MEAK7: variants seen among roughly 807,000 people sequenced by gnomAD.
MEAK7 encodes the protein MTOR-associated protein MEAK7.
A neutral mutation model predicts 40.5 loss-of-function variants in MEAK7; 68 were observed. The observed-to-expected ratio is 1.68, with a 90% CI of 1.38 to 2.06. The LOEUF is 2.06. Among genes scored for constraint, MEAK7 ranks in the 30% most tolerant of loss-of-function variants. MEAK7 has a pLI of 0.00. For missense variants in MEAK7, 918 were observed against 580.5 expected, an observed-to-expected ratio of 1.58 and a Z score of -5.98; for synonymous variants, 338 against 231.9, an observed-to-expected ratio of 1.46 and a Z score of -4.16.
intron 3 of MEAK7, among the ~76,000 whole-genome samples, chr16:84,492,152 G>C (rs1005501148): frequency 2.6e-5 from 4 of 152,134 alleles, no homozygotes; most frequent in Non-Finnish European, 5.9e-5. Context: ...GAGATTGTAA[G>C]GGCCGATTTT....
Position 84,492,569 on chromosome 16 carries a change from T to TTTATTTA in MEAK7, c.384+3113_384+3114insTAAATAA, listed in dbSNP as rs112860791. Among the ~76,000 whole-genome samples the TTTATTTA allele has an allele frequency of 3.5e-4, 51 of 146,810 alleles. 1 individual carries two copies. The highest frequency in any genetic ancestry group is 3.5e-3 in the Middle Eastern group (1 of 282). On this transcript the variant is annotated intron_variant, in intron 3 of 7. Transcript: ENST00000343629. ...TTATTTTGTGATATCAAGTGTTTTA[T>TTTATTTA]TTTATTTATTTATTTATTTATTTAT...
intron 2 of MEAK7, chr16:84,497,704 A>T: frequency 7.0e-7 from 1 of 1,426,594 alleles, no homozygotes; most frequent in Non-Finnish European, 9.5e-7. Context: ...GCGTTTAGAC[A>T]CTGTCTATGG....
chr16:84,491,708 T>G (rs421066), intron 3 of MEAK7, among the ~76,000 whole-genome samples: 138,763 of 151,520 alleles, frequency 0.92, 64,289 homozygotes, highest in East Asian at 1. Context: ...CGTGGTGGCG[T>G]GCACCTGTAG....
chr16:84,504,126 G>A (rs1446712366), intron 1 of MEAK7: 1 of 985,516 alleles, frequency 1.0e-6, no homozygotes, highest in East Asian at 1.1e-4. Context: ...CATGGCCTGG[G>A]AACAGTTATC....
chr16:84,476,791 T>G lies in MEAK7; in HGVS notation c.*3122A>C, dbSNP rs1040581761. The G allele has an allele frequency of 2.0e-5, 3 of 152,242 alleles. No individual in the cohort carries two copies. Among genetic ancestry groups the G allele is most frequent in the African/African-American group, 7.2e-5 (3 of 41,460 alleles). The allele number at this position is 152,242 out of a possible 1,614,324, so 9.4% of individuals were successfully genotyped here. Reference sequence around the variant, plus strand: ...ACAGGGAGGAGACCTGAGTGATTTTTGCATCAGTGCCTTTGCCTGTCAGGA... The same window carrying G: ...ACAGGGAGGAGACCTGAGTGATTTTGGCATCAGTGCCTTTGCCTGTCAGGA... On this transcript the variant is annotated 3_prime_UTR_variant, in exon 8 of 8. Transcript: ENST00000343629.
rs893236243 is a variant in MEAK7 at position 84,495,098 on chromosome 16, G to A, written c.384+585C>T. ...AGCCTGGCCAACGTGGTGAAACCCC[G>A]TTTCTACTAAAAATACAAAAATCGG... On this transcript the variant is annotated intron_variant, in intron 3 of 7. Transcript: ENST00000343629. Among the ~76,000 whole-genome samples, 3 of 152,026 alleles carry A rather than the reference G, an allele frequency of 2.0e-5. 1 individual carries two copies. The highest frequency in any genetic ancestry group is 4.2e-4 in the South Asian group (2 of 4,818).
At chr16:84,501,307 G>A (rs1173485294) in intron 1 of MEAK7, among the ~76,000 whole-genome samples, 1 of 152,064 alleles carries the variant, frequency 6.6e-6, no homozygotes, top group Non-Finnish European at 1.5e-5. Flanking sequence ...GGATCAGCGA[G>A]GCAAGGGTGG....
Position 84,497,942 on chromosome 16 carries a change from C to A in MEAK7, c.145G>T (p.Ala49Ser), listed in dbSNP as rs1230205067. ...CGGGTTGTTACTCTTGCCTGTAGTG[C>A]CTTCAGAGAGAAGGATTTGGATGAG... ...NVSSKSFSLK[A>S]LQNHVGEALP... is the part of the protein sequence containing the mutation. Residue 49 changes from alanine (A) to serine (S), a missense_variant, in exon 2 of 8, where the codon GCA (alanine) becomes TCA (serine). Ala to Ser is a moderately conservative substitution (Grantham distance 99). Coordinates refer to ENST00000343629, the MANE Select transcript of MEAK7 (RefSeq NM_020947.4). 6.2e-7 allele frequency: 1 copy of A among 1,614,210 alleles called. No individual in the cohort carries two copies. Among genetic ancestry groups the A allele is most frequent in the Non-Finnish European group, 8.5e-7 (1 of 1,180,032 alleles).
chr16:84,495,875 G>T lies in MEAK7; in HGVS notation c.192C>A (p.Thr64=), dbSNP rs779922380. The change falls in exon 3 of 8, where the codon ACC becomes ACA. Residue 64 remains threonine (T), a synonymous_variant. Coordinates refer to ENST00000343629, the MANE Select transcript of MEAK7 (RefSeq NM_020947.4). ...CCCTCCGCATGCCATCATACAGCCT[G>T]GTGACCATCTCTGGGGGAAGAGCTT... ...VGEALPPEMV[T]RLYDGMRRVD... 1.9e-6 allele frequency: 3 copies of T among 1,614,100 alleles called. No homozygotes were observed. The highest frequency in any genetic ancestry group is 1.3e-5 in the African/African-American group (1 of 75,008).
At chr16:84,480,470 G>A (rs936738663) in intron 7 of MEAK7, 59 bp downstream of exon 7, 5 of 1,508,684 alleles carry the variant, frequency 3.3e-6, no homozygotes, top group Middle Eastern at 2.5e-4. Flanking sequence ...GTAAGAAAAT[G>A]CAGAAAGGCC....
intron 1 of MEAK7, chr16:84,503,810 C>T (rs757868960): frequency 5.7e-5 from 27 of 475,760 alleles, no homozygotes; most frequent in Non-Finnish European, 7.4e-5. Flanking sequence ...AAGGTTCCCA[C>T]TAGTATCCTA....
chr16:84,493,449 A>C (rs1913794504), intron 3 of MEAK7, among the ~76,000 whole-genome samples: 1 of 152,236 alleles, frequency 6.6e-6, no homozygotes, highest in Non-Finnish European at 1.5e-5. Flanking sequence ...AATATCAAGC[A>C]AGCAAGAAGT....
chr16:84,489,175 AC>A, intron 4 of MEAK7, 102 bp downstream of exon 4: 1 of 1,402,102 alleles, frequency 7.1e-7, no homozygotes, highest in African/African-American at 1.4e-5. Flanking sequence ...TCGAGGGCTC[AC>A]GCATTCTGGT....
intron 3 of MEAK7, among the ~76,000 whole-genome samples, chr16:84,490,653 G>GGTGTGTGTGTGT (rs571630201): frequency 0.087 from 9,070 of 104,252 alleles, 565 homozygotes; most frequent in Admixed American, 0.1. Context: ...AGCTAATCAA[G>GGTGTGTGTGTGT]ATGTGTGTGT....
chr16:84,481,331 G>A (rs747065724), intron 6 of MEAK7, among the ~76,000 whole-genome samples: 1 of 152,008 alleles, frequency 6.6e-6, no homozygotes, highest in South Asian at 2.1e-4. Flanking sequence ...GCACGCCCTA[G>A]TTCTGACCTT....
In MEAK7 at chr16:84,495,685, T is replaced by G. The variant is rs1329660369; in HGVS notation, c.382A>C (p.Lys128Gln). The G allele has an allele frequency of 6.2e-7, 1 of 1,614,092 alleles. No individual in the cohort carries two copies. The highest frequency in any genetic ancestry group is 8.5e-7 in the Non-Finnish European group (1 of 1,180,008). ...EGPVKAREVQ[K>Q]FTEDLVGSVV... ...AAAGGACCTCGCGGCCTCACTACCT[T>G]TTGGACTTCTCTGGCCTTCACGGGA... The change falls in exon 3 of 8, where the codon AAG (lysine) becomes CAG (glutamine). Residue 128 changes from lysine (K) to glutamine (Q), a missense_variant and splice_region_variant. Physicochemically the swap from Lys to Gln is moderately conservative, Grantham distance 53. Transcript: ENST00000343629.
At chr16:84,486,539 G>C (rs920070209) in intron 5 of MEAK7, 92 bp downstream of exon 5, 5 of 1,493,876 alleles carry the variant, frequency 3.3e-6, no homozygotes, top group East Asian at 2.3e-5. Flanking sequence ...GAAGATGGGA[G>C]AGCCCTATTT....
Position 84,486,685 on chromosome 16 carries a change from G to C in MEAK7, c.904C>G (p.His302Asp). Reference protein sequence around the residue: ...CVAVLEDHDKHVFGGFASCSW... With the variant: ...CVAVLEDHDKDVFGGFASCSW... The stretch of plus-strand genomic sequence containing the variant: ...CAAGAGGCAAACCCACCGAACACAT[G>C]CTTGTCATGGTCCTCGAGGACAGCC... The change falls in exon 5 of 8, where the codon CAT becomes GAT. Residue 302 changes from histidine to aspartate, a missense_variant. By Grantham distance (81) the His-to-Asp change is moderately conservative. Transcript: ENST00000343629. 2.5e-6 allele frequency: 4 copies of C among 1,614,062 alleles called. No homozygotes were observed. The highest frequency in any genetic ancestry group is 3.4e-6 in the Non-Finnish European group (4 of 1,179,998).
chr16:84,492,558 C>A (rs1913707004), intron 3 of MEAK7, among the ~76,000 whole-genome samples: 3 of 74,890 alleles, frequency 4.0e-5, no homozygotes. Flanking sequence ...TTTGTGATAT[C>A]AAGTGTTTTA....
Sources: allele counts gnomAD v4.1 joint callset (sites outside exome capture counted in the v4.1 genomes callset), GRCh38; gene constraint gnomAD v4.1.1; transcripts MANE v1.5; gene names NCBI Gene and HGNC (gene_info 2026-07-23, HGNC 2026-07-21).